LUZP2: variants seen among roughly 807,000 people sequenced by gnomAD.
LUZP2 encodes leucine zipper protein 2.
LUZP2 carries 52 observed loss-of-function variants against 51.6 expected under a neutral mutation model. The ratio of observed to expected loss-of-function variants is 1.01; its 90% confidence interval spans 0.81 to 1.27. LUZP2 has a LOEUF of 1.27. Ranked by LOEUF, LUZP2 falls within the 50% of genes most tolerant of loss-of-function variation. The pLI, the probability that LUZP2 is intolerant of heterozygous loss-of-function variation, is 0.00. For missense variants in LUZP2, 436 were observed against 395.4 expected (o/e 1.10, Z -0.87); for synonymous variants, 154 against 137.3 (o/e 1.12, Z -0.85).
chr11:25,000,188 C>A, intron 9 of LUZP2, among the ~76,000 whole-genome samples: 1 of 152,070 alleles, frequency 6.6e-6, no homozygotes, highest in East Asian at 1.9e-4. Context: ...TTTAGCTAGA[C>A]ACAGAGTGCT....
chr11:24,578,476 C>A (rs539641295), intron 1 of LUZP2, among the ~76,000 whole-genome samples: 1 of 151,906 alleles, frequency 6.6e-6, no homozygotes, highest in East Asian at 1.9e-4. Context: ...TCTAATTCCA[C>A]ATGCATGCAT....
chr11:24,674,197 C>T (rs1167208131), intron 1 of LUZP2, among the ~76,000 whole-genome samples: 1 of 152,120 alleles, frequency 6.6e-6, no homozygotes, highest in Non-Finnish European at 1.5e-5. Context: ...CCATGGGCCT[C>T]TTGAAATCTA....
At chr11:25,057,406 C>T (rs1362834243) in intron 10 of LUZP2, among the ~76,000 whole-genome samples, 2 of 152,030 alleles carry the variant, frequency 1.3e-5, no homozygotes, top group African/African-American at 4.8e-5. Context: ...AAATGGATCA[C>T]TAAATTCTTA....
chr11:24,602,385 T>TAC (rs1444866024), intron 1 of LUZP2, among the ~76,000 whole-genome samples: 2,867 of 86,536 alleles, frequency 0.033, 55 homozygotes, highest in African/African-American at 0.041. Flanking sequence ...TATATATATA[T>TAC]ATACACACAC....
At chr11:24,885,697 T>G (rs1195101106) in intron 5 of LUZP2, among the ~76,000 whole-genome samples, 1 of 152,130 alleles carries the variant, frequency 6.6e-6, no homozygotes. Context: ...TAAATGGTAG[T>G]GCAATAGTCG....
intron 5 of LUZP2, among the ~76,000 whole-genome samples, chr11:24,855,372 A>G (rs1851527881): frequency 6.6e-6 from 1 of 152,194 alleles, no homozygotes; most frequent in African/African-American, 2.4e-5. Flanking sequence ...AATTCCATTT[A>G]TAATACCTAC....
At chr11:24,981,219 A>T (rs1359090866) in intron 8 of LUZP2, among the ~76,000 whole-genome samples, 1 of 151,820 alleles carries the variant, frequency 6.6e-6, no homozygotes, top group East Asian at 1.9e-4. Flanking sequence ...GGCTCTGTTA[A>T]GTTAGAGGAA....
At chr11:25,032,418 A>G (rs946586193) in intron 9 of LUZP2, among the ~76,000 whole-genome samples, 3 of 152,144 alleles carry the variant, frequency 2.0e-5, no homozygotes, top group African/African-American at 7.2e-5. Context: ...TCCTGCAAAA[A>G]TGGGGATTCT....
chr11:24,796,462 CAACTAT>C (rs960909826), intron 5 of LUZP2, among the ~76,000 whole-genome samples: 1 of 142,348 alleles, frequency 7.0e-6, no homozygotes, highest in African/African-American at 2.6e-5. Context: ...ATATAAACTA[CAACTAT>C]AATTTTGTAT....
chr11:24,667,187 T>TTC (rs944266019), intron 1 of LUZP2, among the ~76,000 whole-genome samples: 37 of 148,164 alleles, frequency 2.5e-4, no homozygotes, highest in African/African-American at 8.9e-4. Flanking sequence ...TTTTTTTCTT[T>TTC]TTTTTTTTTT....
chr11:25,010,368 A>G (rs1856946178), intron 9 of LUZP2, among the ~76,000 whole-genome samples: 1 of 151,312 alleles, frequency 6.6e-6, no homozygotes, highest in Non-Finnish European at 1.5e-5. Context: ...AGCCTGGCCA[A>G]TATGGTGAAA....
At chr11:24,624,878 G>A (rs554570001) in intron 1 of LUZP2, among the ~76,000 whole-genome samples, 2 of 152,174 alleles carry the variant, frequency 1.3e-5, no homozygotes, top group East Asian at 3.9e-4. Flanking sequence ...CTGTATTTGA[G>A]AAGTAAAATT....
chr11:24,849,234 A>G (rs1226701763), intron 5 of LUZP2, among the ~76,000 whole-genome samples: 2 of 152,006 alleles, frequency 1.3e-5, no homozygotes, highest in Non-Finnish European at 2.9e-5. Flanking sequence ...GCACCCATCA[A>G]CCTGTCAAAT....
chr11:24,633,576 A>T (rs1854963871), intron 1 of LUZP2, among the ~76,000 whole-genome samples: 1 of 152,046 alleles, frequency 6.6e-6, no homozygotes, highest in Non-Finnish European at 1.5e-5. Context: ...AAATTCTTGA[A>T]GGTATAAGCT....
intron 10 of LUZP2, among the ~76,000 whole-genome samples, chr11:25,060,730 A>G (rs1204429284): frequency 6.6e-6 from 1 of 152,204 alleles, no homozygotes; most frequent in East Asian, 1.9e-4. Flanking sequence ...GAAAAGTGAT[A>G]TAGAATAAAA....
chr11:24,536,459 C>G (rs1462078824), intron 1 of LUZP2, among the ~76,000 whole-genome samples: 1 of 151,864 alleles, frequency 6.6e-6, no homozygotes, highest in Non-Finnish European at 1.5e-5. Context: ...CCTTCTCAAT[C>G]AGCACTTGCT....
chr11:24,693,852 T>C (rs1322193926), intron 1 of LUZP2, among the ~76,000 whole-genome samples: 4 of 151,922 alleles, frequency 2.6e-5, no homozygotes, highest in Non-Finnish European at 4.4e-5. Flanking sequence ...CAATGACCAA[T>C]AATTGTACAA....
intron 7 of LUZP2, among the ~76,000 whole-genome samples, chr11:24,942,273 T>TA (rs921885287): frequency 3.9e-5 from 6 of 152,232 alleles, no homozygotes; most frequent in Non-Finnish European, 8.8e-5. Context: ...TTAAATTGTA[T>TA]AAAAAATTGC....
At chr11:24,968,007 G>A (rs1855636845) in intron 7 of LUZP2, among the ~76,000 whole-genome samples, 2 of 152,058 alleles carry the variant, frequency 1.3e-5, no homozygotes, top group South Asian at 4.1e-4. Flanking sequence ...GTTCTAGAAT[G>A]CTGTTAAAAT....
Sources: allele counts gnomAD v4.1 joint callset (sites outside exome capture counted in the v4.1 genomes callset), GRCh38; gene constraint gnomAD v4.1.1; transcripts MANE v1.5; gene names NCBI Gene and HGNC (gene_info 2026-07-23, HGNC 2026-07-21).